The following CACNA1H variants were observed in gnomAD, a reference collection of about 807,000 sequenced individuals.
CACNA1H encodes voltage-dependent T-type calcium channel subunit alpha-1H.
In CACNA1H, 149 loss-of-function variants were observed where a neutral mutation model predicts 192.5. The ratio of observed to expected loss-of-function variants is 0.77; its 90% CI spans 0.68 to 0.89. CACNA1H has a LOEUF of 0.89. Among genes scored for constraint, CACNA1H ranks in the 40% least tolerant of loss-of-function variants. CACNA1H has a pLI of 0.00. For missense variants in CACNA1H, 4,257 were observed against 3,423.5 expected (o/e 1.24, Z -6.08); for synonymous variants, 2,202 against 1,475.2 (o/e 1.49, Z -11.29).
At chr16:1,195,864 C>G (rs1212533441) in intron 4 of CACNA1H, 62 bp from the exon 5 acceptor site, 4 of 1,323,348 alleles carry the variant, frequency 3.0e-6, no homozygotes, top group Non-Finnish European at 4.4e-6. Flanking sequence ...CTTTGCACCC[C>G]AGCCCCACCC....
At chr16:1,157,229 C>G (rs898082151) in intron 2 of CACNA1H, 3 of 152,180 alleles carry the variant, frequency 2.0e-5, no homozygotes, top group Non-Finnish European at 4.4e-5. Flanking sequence ...TGTGTAGGGA[C>G]CAGAAGGTGA....
chr16:1,176,499 G>A (rs921814834), intron 2 of CACNA1H, among the ~76,000 whole-genome samples: 15 of 152,334 alleles, frequency 9.8e-5, no homozygotes, highest in East Asian at 7.7e-4. Flanking sequence ...CCTGTGGCTC[G>A]GGCTGAGGAG....
At position 1,200,253 on chromosome 16, in the gene CACNA1H, C is replaced by T. The variant is rs1377226075; in HGVS notation, c.804-3C>T. 1.3e-6 allele frequency: 2 copies of T among 1,592,188 alleles called. No individual in the cohort carries two copies. On this transcript the variant is annotated splice_region_variant and splice_polypyrimidine_tract_variant and intron_variant, in intron 6 of 34. Transcript: ENST00000348261. ...TTTTGGCCCTGGCTGTGCCCATCCC[C>T]AGGAACAACAACCTGACCTTCCTGC...
Position 1,204,250 on chromosome 16 carries a change from C to T in CACNA1H, c.2243C>T (p.Ala748Val), listed in dbSNP as rs770371468. The change falls in exon 10 of 35, where the codon GCG becomes GTG. Residue 748 changes from alanine (A) to valine (V), a missense_variant. Physicochemically the swap from Ala to Val is moderately conservative, Grantham distance 64. Coordinates refer to ENST00000348261, the MANE Select transcript of CACNA1H (RefSeq NM_021098.3). ...DRWDPTRPPR[A>V]TDTPGPGPGS... is the part of the protein sequence containing the mutation. ...TGGGACCCCACGCGACCACCCCGTG[C>T]GACGGACACACCAGGCCCAGGCCCA... 1.5e-5 allele frequency: 24 copies of T among 1,610,058 alleles called. No individual in the cohort carries two copies. The East Asian group carries it at 2.7e-4, about 18-fold the overall frequency.
chr16:1,195,420 C>T lies in CACNA1H; in HGVS notation c.412-12C>T. 2 of 1,551,192 alleles carry T rather than the reference C, an allele frequency of 1.3e-6. No individual in the cohort carries two copies. The highest frequency in any genetic ancestry group is 2.4e-5 in the South Asian group (2 of 84,042). On this transcript the variant is annotated splice_polypyrimidine_tract_variant and intron_variant, in intron 3 of 34. Transcript: ENST00000348261. ...GCTGTTCCACGGGCCCTCCTGATGC[C>T]TCCTCCCGCAGGCCTTTGACGCCTT...
At chr16:1,165,282 C>T (rs1281019400) in intron 2 of CACNA1H, among the ~76,000 whole-genome samples, 1 of 152,190 alleles carries the variant, frequency 6.6e-6, no homozygotes, top group East Asian at 1.9e-4. Flanking sequence ...ATGGCTTCAG[C>T]GGGCCTGGGG....
Position 1,180,353 on chromosome 16 carries a change from G to A in CACNA1H, c.300-14619G>A, listed in dbSNP as rs1428624499. On this transcript the variant is annotated intron_variant, in intron 2 of 34. Coordinates refer to ENST00000348261, the MANE Select transcript of CACNA1H (RefSeq NM_021098.3). This position sits in a 1 kb window ranked among gnomAD's most constrained non-coding sequence, Gnocchi z 4.4. Reference sequence around the variant, plus strand: ...GGCTGGGGAGGACGGTCCCATAGCTGGGGGCAGAGCAGGGCAGGCTGGGTG... The same window carrying A: ...GGCTGGGGAGGACGGTCCCATAGCTAGGGGCAGAGCAGGGCAGGCTGGGTG... 6.6e-6 allele frequency among the ~76,000 whole-genome samples: 1 copy of A among 152,238 alleles called. No individual in the cohort carries two copies. The highest frequency in any genetic ancestry group is 2.4e-5 in the African/African-American group (1 of 41,458).
Position 1,207,870 on chromosome 16 carries a change from G to T in CACNA1H, c.3154+10G>T, listed in dbSNP as rs1465384821. The T allele has an allele frequency of 6.3e-6, 10 of 1,579,514 alleles. No homozygotes were observed. The highest frequency in any genetic ancestry group is 1.2e-5 in the South Asian group (1 of 86,366). ...GAACTCCAGACCACAGGTGCGTGTG[G>T]TCGGTGGGTGGTCCGGGTTCTGGCG... is the stretch of plus-strand genomic sequence containing the variant. On this transcript the variant is annotated intron_variant, in intron 15 of 34. Coordinates refer to ENST00000348261, the MANE Select transcript of CACNA1H (RefSeq NM_021098.3).
At chr16:1,177,597 G>T (rs1173854299) in intron 2 of CACNA1H, among the ~76,000 whole-genome samples, 1 of 152,116 alleles carries the variant, frequency 6.6e-6, no homozygotes, top group Non-Finnish European at 1.5e-5. Context: ...GGGAGGGGGC[G>T]TCCTAGTGTG....
chr16:1,204,605 G>T (rs1968427394), intron 10 of CACNA1H, 147 bp downstream of exon 10: 1 of 638,230 alleles, frequency 1.6e-6, no homozygotes. Context: ...GTGAGGATAG[G>T]AGACCAGGTG....
rs1003381153 is a variant in CACNA1H, at chr16:1,204,248, T to A, written c.2241T>A (p.Arg747=). The A allele has an allele frequency of 2.5e-6, 4 of 1,610,408 alleles. No homozygotes were observed. Among genetic ancestry groups the A allele is most frequent in the Non-Finnish European group, 3.4e-6 (4 of 1,178,896 alleles). The change falls in exon 10 of 35, where the codon CGT becomes CGA. Residue 747 remains arginine (R), a synonymous_variant. Transcript: ENST00000348261. ...GDRWDPTRPP[R]ATDTPGPGPG... ...GCTGGGACCCCACGCGACCACCCCG[T>A]GCGACGGACACACCAGGCCCAGGCC...
rs756181994 is a variant in CACNA1H, at chr16:1,218,541, C to T, written c.5777C>T (p.Ser1926Leu). ...AAGGTGTCCGTGTCCAGGATGCTCT[C>T]GCTGCCCAACGACAGCTACATGTTC... is the stretch of plus-strand genomic sequence containing the variant. Reference protein sequence around the residue: ...ARKVSVSRMLSLPNDSYMFRP... With the variant: ...ARKVSVSRMLLLPNDSYMFRP... The change falls in exon 33 of 35, where the codon TCG becomes TTG. Residue 1926 changes from serine to leucine, a missense_variant. By Grantham distance (145) the Ser-to-Leu change is moderately radical. Transcript: ENST00000348261. 17 of 1,557,810 alleles carry T rather than the reference C, an allele frequency of 1.1e-5. No individual in the cohort carries two copies. The East Asian group carries it at 1.9e-4, about 18-fold the overall frequency.
chr16:1,209,308 T>G lies in CACNA1H; in HGVS notation c.3640T>G (p.Cys1214Gly). ...GCCGGCCGCCCTCCCGCCTACCAAG[T>G]GCCGCGATCGCGACGGGCAGGTGGT... Reference protein sequence around the residue: ...LRPAALPPTKCRDRDGQVVAL... With the variant: ...LRPAALPPTKGRDRDGQVVAL... The change falls in exon 17 of 35, where the codon TGC (cysteine) becomes GGC (glycine). Residue 1214 changes from cysteine (C) to glycine (G), a missense_variant. Cys to Gly is a radical substitution (Grantham distance 159). Transcript: ENST00000348261. 2 of 1,596,040 alleles carry G rather than the reference T, an allele frequency of 1.3e-6. No homozygotes were observed. The highest frequency in any genetic ancestry group is 2.2e-5 in the South Asian group (2 of 90,526).
intron 12 of CACNA1H, 101 bp from the exon 13 acceptor site, chr16:1,206,900 T>C: frequency 2.5e-6 from 1 of 405,004 alleles, no homozygotes; most frequent in Non-Finnish European, 4.7e-6. Flanking sequence ...GCAGAGCCAG[T>C]CCTGCCCCTC....
rs769783779 is a variant in CACNA1H, at chr16:1,200,449, G to A, written c.997G>A (p.Ala333Thr). 2.5e-6 allele frequency: 4 copies of A among 1,611,434 alleles called. No individual in the cohort carries two copies. The East Asian group carries it at 8.9e-5, about 36-fold the overall frequency. ...GCCGCAGGCCGAGGGGGTGGGCGCTGCACGCAACGCCTGCATCAACTGGAA... is the reference window on the plus strand; with the variant it reads ...GCCGCAGGCCGAGGGGGTGGGCGCTACACGCAACGCCTGCATCAACTGGAA... Reference protein sequence around the residue: ...TQPQAEGVGAARNACINWNQY... With the variant: ...TQPQAEGVGATRNACINWNQY... Residue 333 changes from alanine to threonine, a missense_variant, in exon 7 of 35, where the codon GCA (alanine) becomes ACA (threonine). Coordinates refer to ENST00000348261, the MANE Select transcript of CACNA1H (RefSeq NM_021098.3).
At position 1,194,926 on chromosome 16, in the gene CACNA1H, G is replaced by GC. The variant is rs749007758; in HGVS notation, c.300-45dup. The GC allele has an allele frequency of 2.8e-6, 4 of 1,430,772 alleles. No homozygotes were observed. In the African/African-American group the frequency reaches 5.6e-5, roughly 20 times the overall value. The allele number at this position is 1,430,772 out of a possible 1,614,324, so 88.6% of individuals were successfully genotyped here. On this transcript the variant is annotated intron_variant, in intron 2 of 34. Coordinates refer to ENST00000348261, the MANE Select transcript of CACNA1H (RefSeq NM_021098.3). The stretch of plus-strand genomic sequence containing the variant: ...TGGGCATTTGGAGGGCCCCATGGGA[G>GC]CGGGTCCCGGGCCGCGCCGGTGTGC...
intron 2 of CACNA1H, among the ~76,000 whole-genome samples, chr16:1,176,568 A>T (rs1045623920): frequency 2.0e-5 from 3 of 152,094 alleles, no homozygotes; most frequent in African/African-American, 7.2e-5. Flanking sequence ...TGCTGTGGGG[A>T]TTCCGAGAAT....
rs1347917486 is a variant in CACNA1H, at chr16:1,208,209, C to T, written c.3351C>T (p.Asp1117=). The T allele has an allele frequency of 6.4e-7, 1 of 1,562,074 alleles. No homozygotes were observed. The highest frequency in any genetic ancestry group is 2.4e-5 in the East Asian group (1 of 41,812). ...SSSSGDPPLG[D]QKPPASLRSS... ...GCTCCGGGGACCCGCCACTGGGAGA[C>T]CAGAAGCCTCCGGTAGGGACCATCT... Residue 1117 remains aspartate (D), a synonymous_variant, in exon 16 of 35, where the codon GAC becomes GAT. Transcript: ENST00000348261.
rs1193722493 is a variant in CACNA1H at position 1,202,286 on chromosome 16, C to T, written c.1836C>T (p.Asn612=). The change falls in exon 9 of 35, where the codon AAC becomes AAT. Residue 612 remains asparagine (N), a synonymous_variant. Coordinates refer to ENST00000348261, the MANE Select transcript of CACNA1H (RefSeq NM_021098.3). ...TGGCCACAGGGCTGGGCACCATGAA[C>T]TACCCCACGATCCTGCCCTCAGGGG... ...LRLATGLGTM[N]YPTILPSGVG... The T allele has an allele frequency of 2.5e-6, 4 of 1,584,064 alleles. No homozygotes were observed. The highest frequency in any genetic ancestry group is 3.4e-6 in the Non-Finnish European group (4 of 1,167,342).
Sources: gnomAD v4.1 joint callset for allele counts (sites outside exome capture counted in the v4.1 genomes callset) on GRCh38, gnomAD v4.1.1 for gene constraint, Gnocchi (gnomAD v3.1) non-coding constraint, MANE v1.5 for transcripts, NCBI Gene and HGNC (gene_info 2026-07-23, HGNC 2026-07-21) for gene names.